The following GRIA3 variants were observed in gnomAD, a reference collection of about 807,000 sequenced individuals.
GRIA3 encodes glutamate receptor 3.
GRIA3 carries 3 observed loss-of-function variants against 63.0 expected under a neutral mutation model. The ratio of observed to expected loss-of-function variants is 0.05; its 90% confidence interval spans 0.02 to 0.12. The LOEUF is 0.12. Ranked by LOEUF, GRIA3 falls within the 10% of genes least tolerant of loss-of-function variation. The pLI is 1.00. For synonymous variants in GRIA3, 274 were observed against 257.9 expected (o/e 1.06, Z -0.60); for missense variants, 347 against 700.9 (o/e 0.50, Z 5.70).
chrX:123,459,168 A>G (rs935646396), intron 12 of GRIA3, among the ~76,000 whole-genome samples: 1 of 111,850 alleles, frequency 8.9e-6, no homozygotes, highest in Non-Finnish European at 1.9e-5. Flanking sequence ...GGAAATTGAG[A>G]CACATAGATG....
At chrX:123,293,547 T>C (rs1225326385) in intron 3 of GRIA3, among the ~76,000 whole-genome samples, 1 of 109,486 alleles carries the variant, frequency 9.1e-6, no homozygotes, top group Admixed American at 9.9e-5. Flanking sequence ...CATCTCTATA[T>C]ATGAGTCATT....
chrX:123,228,394 G>A (rs2044258734), intron 2 of GRIA3, among the ~76,000 whole-genome samples: 1 of 111,180 alleles, frequency 9.0e-6, no homozygotes, highest in Admixed American at 9.6e-5. Flanking sequence ...ATCCAAGGGA[G>A]CATTTCCAAC....
chrX:123,201,976 T>C (rs1013754493), intron 2 of GRIA3, among the ~76,000 whole-genome samples: 4 of 112,228 alleles, frequency 3.6e-5, no homozygotes, highest in African/African-American at 9.7e-5. Flanking sequence ...CTTTCTTTGA[T>C]TGTTAATATT....
At chrX:123,362,195 G>A (rs1423043900) in intron 5 of GRIA3, among the ~76,000 whole-genome samples, 1 of 111,798 alleles carries the variant, frequency 8.9e-6, no homozygotes, top group Non-Finnish European at 1.9e-5. Context: ...AAGGAAAACA[G>A]AGTGTATTGT....
At chrX:123,306,681 C>T (rs940718712) in intron 3 of GRIA3, among the ~76,000 whole-genome samples, 5 of 111,595 alleles carry the variant, frequency 4.5e-5, no homozygotes, top group Admixed American at 9.5e-5. Context: ...GCATATCTTT[C>T]GAAATGATCA....
rs139491569 is a variant in GRIA3 at position 123,433,749 on chromosome X, C to T, written c.2076+5610C>T. ...ACTTGCTCCAGTGCCCTAGGCAAGG[C>T]AGAAGAATTGAACTTTATTAGGAGA... is the stretch of plus-strand genomic sequence containing the variant. On this transcript the variant is annotated intron_variant, in intron 12 of 15. Coordinates refer to ENST00000620443, the MANE Select transcript of GRIA3 (RefSeq NM_007325.5). Among the ~76,000 whole-genome samples the T allele has an allele frequency of 4.1e-3, 455 of 111,935 alleles. 1 individual carries two copies. The highest frequency in any genetic ancestry group is 0.014 in the African/African-American group (443 of 30,843).
chrX:123,322,586 C>G (rs1051167801), intron 3 of GRIA3, among the ~76,000 whole-genome samples: 20 of 110,631 alleles, frequency 1.8e-4, no homozygotes, highest in African/African-American at 5.6e-4. Flanking sequence ...CTCCCTCAAG[C>G]GCATATTTAC....
At chrX:123,360,952 T>G (rs1403928761) in intron 5 of GRIA3, among the ~76,000 whole-genome samples, 2 of 102,648 alleles carry the variant, frequency 1.9e-5, no homozygotes, top group Non-Finnish European at 3.9e-5. Context: ...TCCCTCCTCA[T>G]CCAACCTCAC....
chrX:123,344,084 GA>G (rs1310372942), intron 4 of GRIA3, among the ~76,000 whole-genome samples: 1 of 112,110 alleles, frequency 8.9e-6, no homozygotes. Context: ...CCTCATCTTG[GA>G]AGAGGAAGAA....
chrX:123,327,146 A>G (rs1190632676), intron 4 of GRIA3, among the ~76,000 whole-genome samples: 2 of 111,612 alleles, frequency 1.8e-5, no homozygotes, highest in Non-Finnish European at 3.8e-5. Context: ...AGCCTGGGCA[A>G]CAGAGCAAGA....
In GRIA3 at chrX:123,436,170, A is replaced by G. The variant is rs746332011; in HGVS notation, c.2076+8031A>G. On this transcript the variant is annotated intron_variant, in intron 12 of 15. Transcript: ENST00000620443. ...ATAAACCTGCACATCCTGCACATGT[A>G]TCCTGGAACTTAAATAAAATAAAAT... Among the ~76,000 whole-genome samples, 5 of 111,579 alleles carry G rather than the reference A, an allele frequency of 4.5e-5. No individual in the cohort carries two copies. In the South Asian group the frequency reaches 1.1e-3, roughly 25 times the overall value.
At chrX:123,252,131 C>A (rs2044394038) in intron 2 of GRIA3, among the ~76,000 whole-genome samples, 1 of 112,017 alleles carries the variant, frequency 8.9e-6, no homozygotes. Flanking sequence ...ACCCACTCAT[C>A]CCCATCAAAA....
At chrX:123,323,184 A>G (rs2044879339) in intron 3 of GRIA3, among the ~76,000 whole-genome samples, 4 of 112,341 alleles carry the variant, frequency 3.6e-5, no homozygotes, top group Admixed American at 9.4e-5. Context: ...TGGTAATCCT[A>G]CATCTCAGAG....
intron 3 of GRIA3, among the ~76,000 whole-genome samples, chrX:123,302,474 T>C (rs762741420): frequency 3.0e-4 from 33 of 111,730 alleles, no homozygotes; most frequent in African/African-American, 7.4e-4. Flanking sequence ...TGGAATCAGA[T>C]AGACATAGGG....
intron 4 of GRIA3, among the ~76,000 whole-genome samples, chrX:123,342,010 TAAG>T (rs1396804247): frequency 1.8e-5 from 2 of 109,813 alleles, no homozygotes; most frequent in East Asian, 2.9e-4. Flanking sequence ...GAAACAGACA[TAAG>T]AAGGTTAAAT....
intron 5 of GRIA3, among the ~76,000 whole-genome samples, chrX:123,379,638 T>TC (rs2045309282): frequency 1.0e-5 from 1 of 99,724 alleles, no homozygotes; most frequent in Non-Finnish European, 2.1e-5. Flanking sequence ...TTTTTTTTTT[T>TC]TGTAAAATTT....
intron 4 of GRIA3, among the ~76,000 whole-genome samples, chrX:123,337,192 C>G (rs1309949506): frequency 9.0e-6 from 1 of 111,647 alleles, no homozygotes; most frequent in African/African-American, 3.3e-5. Flanking sequence ...GACAGTATAA[C>G]GTTACTTCAC....
intron 11 of GRIA3, among the ~76,000 whole-genome samples, chrX:123,424,582 T>G (rs2045580771): frequency 8.9e-6 from 1 of 111,924 alleles, no homozygotes; most frequent in South Asian, 3.7e-4. Context: ...TTATAGCATT[T>G]TTATGTGGGT....
intron 2 of GRIA3, among the ~76,000 whole-genome samples, chrX:123,235,362 G>A (rs2044296326): frequency 1.8e-5 from 2 of 111,814 alleles, no homozygotes; most frequent in Non-Finnish European, 3.8e-5. Context: ...GGAATGCTTC[G>A]TGGAACTCAA....
Sources: gnomAD v4.1 joint callset for allele counts (sites outside exome capture counted in the v4.1 genomes callset) on GRCh38, gnomAD v4.1.1 for gene constraint, MANE v1.5 for transcripts, NCBI Gene and HGNC (gene_info 2026-07-23, HGNC 2026-07-21) for gene names.